The following SYNCRIP variants were observed in gnomAD, a reference collection of about 807,000 sequenced individuals.
The protein encoded by SYNCRIP is heterogeneous nuclear ribonucleoprotein Q.
A neutral mutation model predicts 68.9 loss-of-function variants in SYNCRIP; 9 were observed. That is an observed-to-expected ratio of 0.13 (90% confidence interval 0.08 to 0.23). The LOEUF is 0.23. Ranked by LOEUF, SYNCRIP falls within the 10% of genes least tolerant of loss-of-function variation. The pLI is 1.00. For missense variants in SYNCRIP, 414 were observed against 770.6 expected (o/e 0.54, Z 5.48); for synonymous variants, 258 against 254.0 (o/e 1.02, Z -0.15).
At chr6:85,623,915 G>A in intron 7 of SYNCRIP, 62 bp downstream of exon 7, 4 of 1,583,252 alleles carry the variant, frequency 2.5e-6, no homozygotes, top group East Asian at 2.2e-5. Context: ...ATGACGCACA[G>A]AAATATGCTA....
chr6:85,623,520 C>A (rs1244663097), intron 7 of SYNCRIP, among the ~76,000 whole-genome samples: 3 of 126,120 alleles, frequency 2.4e-5, no homozygotes, highest in Admixed American at 1.9e-4. Context: ...GCCAAGATCA[C>A]ACCAGCACAC....
In SYNCRIP at chr6:85,626,752, C is replaced by T. The variant is rs148674643; in HGVS notation, c.667-2640G>A. On this transcript the variant is annotated intron_variant, in intron 6 of 10. Transcript: ENST00000369622. ...TTAACCATCAACATTAACAATGCTGCTTCAAATTATTAATAACTGTTTCCA... is the reference window on the plus strand; with the variant it reads ...TTAACCATCAACATTAACAATGCTGTTTCAAATTATTAATAACTGTTTCCA... 5.6e-3 allele frequency among the ~76,000 whole-genome samples: 856 copies of T among 152,286 alleles called. 8 individuals carry two copies. Among genetic ancestry groups the T allele is most frequent in the African/African-American group, 0.02 (825 of 41,560 alleles).
chr6:85,636,468 A>T (rs1382962954), intron 6 of SYNCRIP, among the ~76,000 whole-genome samples: 2 of 151,956 alleles, frequency 1.3e-5, no homozygotes, highest in African/African-American at 4.8e-5. Flanking sequence ...AAAAAGAAAA[A>T]TTTCCTTTTT....
chr6:85,643,258 C>G (rs1160405271), upstream of SYNCRIP: 1 of 152,468 alleles, frequency 6.6e-6, no homozygotes, highest in African/African-American at 2.4e-5. Flanking sequence ...CTCCCTCGCT[C>G]GCTCGCACTC....
At chr6:85,640,152 G>C (rs1308815329) in intron 4 of SYNCRIP, 69 bp downstream of exon 4, 6 of 1,054,196 alleles carry the variant, frequency 5.7e-6, no homozygotes, top group Non-Finnish European at 7.3e-6. Flanking sequence ...TCATACCCAA[G>C]GAATATTTAC....
intron 1 of SYNCRIP, 146 bp from the exon 2 acceptor site, chr6:85,641,597 C>T: frequency 2.6e-6 from 2 of 755,490 alleles, no homozygotes; most frequent in East Asian, 5.4e-5. Context: ...TCACTATCGC[C>T]TGACAAGCCA....
At chr6:85,626,395 G>T (rs1236383283) in intron 6 of SYNCRIP, among the ~76,000 whole-genome samples, 2 of 151,940 alleles carry the variant, frequency 1.3e-5, no homozygotes, top group Non-Finnish European at 2.9e-5. Flanking sequence ...GAAAAAGGTG[G>T]AAAGAAATAC....
chr6:85,609,555 GT>G (rs1322117678), downstream of SYNCRIP: 1 of 151,950 alleles, frequency 6.6e-6, no homozygotes, highest in Non-Finnish European at 1.5e-5. Context: ...AGTTGTGTGT[GT>G]GCACACTCAA....
At chr6:85,616,250 C>A (rs1306506388) in intron 10 of SYNCRIP, among the ~76,000 whole-genome samples, 1 of 152,096 alleles carries the variant, frequency 6.6e-6, no homozygotes, top group Non-Finnish European at 1.5e-5. Context: ...CCCAATAATC[C>A]CATGAAATAT....
intron 10 of SYNCRIP, among the ~76,000 whole-genome samples, chr6:85,618,210 A>C (rs1332427436): frequency 6.6e-6 from 1 of 152,186 alleles, no homozygotes; most frequent in African/African-American, 2.4e-5. Context: ...AATATTTAAG[A>C]CATTTTCAGA....
chr6:85,640,405 C>T, intron 3 of SYNCRIP, 41 bp downstream of exon 3: 1 of 1,578,678 alleles, frequency 6.3e-7, no homozygotes, highest in Non-Finnish European at 8.7e-7. Context: ...AGTATCAAAA[C>T]TACTCAAATT....
downstream of SYNCRIP, chr6:85,608,049 ACT>A (rs1804969447): frequency 6.6e-6 from 1 of 152,062 alleles, no homozygotes; most frequent in Non-Finnish European, 1.5e-5. Flanking sequence ...CCAAATTACC[ACT>A]AACTTTATCA....
intron 3 of SYNCRIP, 35 bp from the exon 4 acceptor site, chr6:85,640,363 A>T (rs1808982414): frequency 6.3e-7 from 1 of 1,596,906 alleles, no homozygotes; most frequent in Non-Finnish European, 8.6e-7. Flanking sequence ...TTTAACAATA[A>T]CCATATCTGA....
chr6:85,620,324 A>G (rs1806245366), intron 8 of SYNCRIP, among the ~76,000 whole-genome samples: 1 of 152,250 alleles, frequency 6.6e-6, no homozygotes, highest in African/African-American at 2.4e-5. Flanking sequence ...ATTGTGGCAC[A>G]TACAGAAGGA....
At chr6:85,622,366 C>A in intron 8 of SYNCRIP, 116 bp downstream of exon 8, 1 of 1,009,438 alleles carries the variant, frequency 9.9e-7, no homozygotes, top group Non-Finnish European at 1.5e-6. Flanking sequence ...AAACAAGAGA[C>A]TCTTGTCTCA....
At chr6:85,621,769 AGCACCTCT>A (rs915393343) in intron 8 of SYNCRIP, among the ~76,000 whole-genome samples, 5 of 152,192 alleles carry the variant, frequency 3.3e-5, no homozygotes, top group Admixed American at 3.3e-4. Flanking sequence ...TGTAACTGCA[AGCACCTCT>A]GCTGCGGCCA....
At chr6:85,623,624 GAAC>G (rs1806707862) in intron 7 of SYNCRIP, among the ~76,000 whole-genome samples, 1 of 133,094 alleles carries the variant, frequency 7.5e-6, no homozygotes, top group Non-Finnish European at 1.6e-5. Flanking sequence ...GTAATTTCAA[GAAC>G]ATCAAATCAT....
chr6:85,624,174 TAA>T, intron 6 of SYNCRIP, 62 bp from the exon 7 acceptor site: 1 of 1,497,888 alleles, frequency 6.7e-7, no homozygotes, highest in Non-Finnish European at 9.2e-7. Context: ...CAGTTAATTA[TAA>T]AAGATACACA....
At chr6:85,635,493 G>C (rs914840585) in intron 6 of SYNCRIP, among the ~76,000 whole-genome samples, 18 of 152,020 alleles carry the variant, frequency 1.2e-4, no homozygotes, top group African/African-American at 4.3e-4. Context: ...GACTTGGCCG[G>C]GTGCAGTGGC....
Sources: gnomAD v4.1 joint callset for allele counts (sites outside exome capture counted in the v4.1 genomes callset) on GRCh38, gnomAD v4.1.1 for gene constraint, MANE v1.5 for transcripts, NCBI Gene and HGNC (gene_info 2026-07-23, HGNC 2026-07-21) for gene names.